TMEM266: variants seen among roughly 807,000 people sequenced by gnomAD.
The protein encoded by TMEM266 is transmembrane protein 266.
Under a neutral mutation model 50.5 loss-of-function variants are expected in TMEM266, and 33 were observed. The ratio of observed to expected loss-of-function variants is 0.65; its 90% confidence interval spans 0.50 to 0.87. The LOEUF is 0.87. Ranked by LOEUF, TMEM266 falls within the 40% of genes least tolerant of loss-of-function variation. The pLI, the probability that TMEM266 is intolerant of heterozygous loss-of-function variation, is 0.00. For missense variants in TMEM266, 655 were observed against 695.1 expected, an observed-to-expected ratio of 0.94 and a Z score of 0.65; for synonymous variants, 310 against 292.3, an observed-to-expected ratio of 1.06 and a Z score of -0.62.
chr15:76,204,299 G>A lies in TMEM266; in HGVS notation c.1580G>A (p.Arg527Lys), dbSNP rs765262559. 2.5e-6 allele frequency: 4 copies of A among 1,608,136 alleles called. No homozygotes were observed. In the Admixed American group the frequency reaches 5.0e-5, roughly 20 times the overall value. Residue 527 changes from arginine (R) to lysine (K), a missense_variant, in exon 11 of 11, where the codon AGG (arginine) becomes AAG (lysine). Arg to Lys is a conservative substitution (Grantham distance 26). Transcript: ENST00000388942. ...GAATCCAAAGAGCAAAAGCTGCACA[G>A]GGTCCCTGAGGCCTAGAGCCTGCCA...
chr15:76,201,554 G>A (rs2038748443), intron 9 of TMEM266, among the ~76,000 whole-genome samples: 1 of 152,078 alleles, frequency 6.6e-6, no homozygotes, highest in Non-Finnish European at 1.5e-5. Context: ...ATTTTTAAAA[G>A]ACCCTGTTCC....
Position 76,203,873 on chromosome 15 carries a change from C to T in TMEM266, c.1154C>T (p.Thr385Ile), listed in dbSNP as rs371381699. 5.0e-6 allele frequency: 8 copies of T among 1,614,120 alleles called. No individual in the cohort carries two copies. In the African/African-American group the frequency reaches 6.7e-5, roughly 13 times the overall value. Reference sequence around the variant, plus strand: ...CTCGGCGGTAATGGCACCAGCGCCACCTCGGAGAGTGCCTCCCGCAGCTCA... The same window carrying T: ...CTCGGCGGTAATGGCACCAGCGCCATCTCGGAGAGTGCCTCCCGCAGCTCA... The change falls in exon 11 of 11, where the codon ACC (threonine) becomes ATC (isoleucine). Residue 385 changes from threonine (T) to isoleucine (I), a missense_variant. Physicochemically the swap from Thr to Ile is moderately conservative, Grantham distance 89. Coordinates refer to ENST00000388942, the MANE Select transcript of TMEM266 (RefSeq NM_152335.3).
At chr15:76,177,265 C>G (rs562913744) in intron 8 of TMEM266, among the ~76,000 whole-genome samples, 6 of 152,262 alleles carry the variant, frequency 3.9e-5, no homozygotes, top group Non-Finnish European at 8.8e-5. Context: ...CCCCAGCCAG[C>G]ACTCCGCGCG....
chr15:76,180,130 G>C (rs979311167), intron 8 of TMEM266, among the ~76,000 whole-genome samples: 1 of 152,202 alleles, frequency 6.6e-6, no homozygotes, highest in African/African-American at 2.4e-5. Flanking sequence ...AGCAGGTGCA[G>C]AGTTCCCTGT....
At chr15:76,143,700 C>A (rs2037715297) in intron 3 of TMEM266, among the ~76,000 whole-genome samples, 1 of 152,098 alleles carries the variant, frequency 6.6e-6, no homozygotes, top group Non-Finnish European at 1.5e-5. Context: ...TCCTTCCAGG[C>A]CTTTTAAAAA....
At chr15:76,084,696 G>A (rs1228639751) in intron 1 of TMEM266, among the ~76,000 whole-genome samples, 1 of 151,834 alleles carries the variant, frequency 6.6e-6, no homozygotes, top group Admixed American at 6.6e-5. Flanking sequence ...TGCCTCCTGG[G>A]TTCAAGCAAT....
At chr15:76,087,854 C>T (rs1026064908) in intron 1 of TMEM266, among the ~76,000 whole-genome samples, 2 of 152,142 alleles carry the variant, frequency 1.3e-5, no homozygotes, top group African/African-American at 4.8e-5. Context: ...CCTCACCACT[C>T]CATCTCTCCT....
chr15:76,074,218 C>T (rs1014526611), intron 1 of TMEM266, among the ~76,000 whole-genome samples: 36 of 152,080 alleles, frequency 2.4e-4, no homozygotes, highest in Admixed American at 2.3e-3. Flanking sequence ...ACTGGTTATT[C>T]ATATGCACGT....
In TMEM266 at chr15:76,141,538, C is replaced by T. The variant is rs114766807; in HGVS notation, c.227+3643C>T. On this transcript the variant is annotated intron_variant, in intron 3 of 10. Transcript: ENST00000388942. ...ACAGGCGTGAGCCACAGTGCCTAGC[C>T]TCAGTGTACTTTTTTAAAAAAGCAT... Among the ~76,000 whole-genome samples, 519 of 152,278 alleles carry T rather than the reference C, an allele frequency of 3.4e-3. 4 individuals carry two copies. Among genetic ancestry groups the T allele is most frequent in the African/African-American group, 0.012 (503 of 41,552 alleles).
At chr15:76,149,836 GTGTT>G (rs1202440017) in intron 3 of TMEM266, among the ~76,000 whole-genome samples, 3 of 152,228 alleles carry the variant, frequency 2.0e-5, no homozygotes, top group Non-Finnish European at 4.4e-5. Context: ...TGTATCTTAA[GTGTT>G]TGTTTAATCA....
intron 3 of TMEM266, among the ~76,000 whole-genome samples, chr15:76,151,830 C>T (rs1422130988): frequency 6.6e-6 from 1 of 152,220 alleles, no homozygotes; most frequent in Non-Finnish European, 1.5e-5. Flanking sequence ...GCATTCCTAA[C>T]AAGCGCCAGG....
At chr15:76,075,434 T>C (rs2036590856) in intron 1 of TMEM266, among the ~76,000 whole-genome samples, 1 of 152,128 alleles carries the variant, frequency 6.6e-6, no homozygotes, top group African/African-American at 2.4e-5. Flanking sequence ...AAGTGATTGG[T>C]TGTGTCTAAT....
intron 8 of TMEM266, among the ~76,000 whole-genome samples, chr15:76,182,459 AC>A (rs2038429176): frequency 6.6e-6 from 1 of 150,594 alleles, no homozygotes; most frequent in African/African-American, 2.4e-5. Context: ...ACACGGTGAA[AC>A]CCCGTCTCTA....
intron 1 of TMEM266, among the ~76,000 whole-genome samples, chr15:76,080,376 T>C (rs543195716): frequency 1.3e-4 from 16 of 122,566 alleles, no homozygotes; most frequent in South Asian, 2.8e-4. Flanking sequence ...CTCAGCCTCC[T>C]GAGTAGCTGA....
At chr15:76,093,800 C>T (rs1239032475) in intron 1 of TMEM266, among the ~76,000 whole-genome samples, 1 of 152,122 alleles carries the variant, frequency 6.6e-6, no homozygotes, top group Non-Finnish European at 1.5e-5. Context: ...TTTTAATGAT[C>T]GCCATTTTAA....
intron 1 of TMEM266, among the ~76,000 whole-genome samples, chr15:76,096,381 C>CAGG (rs2036920653): frequency 6.6e-6 from 1 of 152,026 alleles, no homozygotes; most frequent in African/African-American, 2.4e-5. Flanking sequence ...AGTAGTCATT[C>CAGG]AGGAGCAGGT....
chr15:76,101,672 A>T (rs2037001835), intron 1 of TMEM266, among the ~76,000 whole-genome samples: 1 of 152,226 alleles, frequency 6.6e-6, no homozygotes, highest in South Asian at 2.1e-4. Flanking sequence ...GTATCTAGAA[A>T]ATGCAATCCT....
At position 76,160,783 on chromosome 15, in the gene TMEM266, C is replaced by A. The variant is rs1010143743; in HGVS notation, c.456+615C>A. Among the ~76,000 whole-genome samples the A allele has an allele frequency of 1.3e-5, 2 of 152,008 alleles. No individual in the cohort carries two copies. Among genetic ancestry groups the A allele is most frequent in the Admixed American group, 1.3e-4 (2 of 15,272 alleles). On this transcript the variant is annotated intron_variant, in intron 5 of 10. Coordinates refer to ENST00000388942, the MANE Select transcript of TMEM266 (RefSeq NM_152335.3). This position sits in a 1 kb window ranked among gnomAD's most constrained non-coding sequence, Gnocchi z 5.7. ...GGATCGCCGTCAGCGTTGCTGGAGTCGGCTAGTAGAGACCAAGTGCGAATC... is the reference window on the plus strand; with the variant it reads ...GGATCGCCGTCAGCGTTGCTGGAGTAGGCTAGTAGAGACCAAGTGCGAATC...
At chr15:76,095,960 A>G (rs2036915272) in intron 1 of TMEM266, among the ~76,000 whole-genome samples, 1 of 151,882 alleles carries the variant, frequency 6.6e-6, no homozygotes, top group Non-Finnish European at 1.5e-5. Context: ...GTCAGTGGTG[A>G]TATCCCCTTC....
Sources: allele counts gnomAD v4.1 joint callset (sites outside exome capture counted in the v4.1 genomes callset), GRCh38; gene constraint gnomAD v4.1.1; non-coding constraint Gnocchi (gnomAD v3.1); transcripts MANE v1.5; gene names NCBI Gene and HGNC (gene_info 2026-07-23, HGNC 2026-07-21).